DEK: variants seen among roughly 807,000 people sequenced by gnomAD.
DEK encodes protein DEK.
Under a neutral mutation model 46.8 loss-of-function variants are expected in DEK, and 28 were observed. The ratio of observed to expected loss-of-function variants is 0.60; its 90% CI spans 0.44 to 0.82. DEK has a LOEUF of 0.82. Among genes scored for constraint, DEK ranks in the 40% least tolerant of loss-of-function variants. The pLI, the probability that DEK is intolerant of heterozygous loss-of-function variation, is 0.00. For synonymous variants in DEK, 160 were observed against 144.5 expected (o/e 1.11, Z -0.77); for missense variants, 416 against 430.6 (o/e 0.97, Z 0.30).
chr6:18,260,727 G>A (rs187007757), intron 2 of DEK, among the ~76,000 whole-genome samples: 16 of 152,236 alleles, frequency 1.1e-4, no homozygotes, highest in African/African-American at 3.4e-4. Context: ...AGGGCCAGGC[G>A]TGGTGGCTCA....
At chr6:18,236,719 T>A in intron 8 of DEK, 119 bp from the exon 9 acceptor site, 2 of 648,152 alleles carry the variant, frequency 3.1e-6, no homozygotes, top group Non-Finnish European at 4.6e-6. Flanking sequence ...AAAAAAATTA[T>A]AAATCACTAC....
chr6:18,259,236 A>C (rs902057098), intron 2 of DEK, among the ~76,000 whole-genome samples: 2 of 151,416 alleles, frequency 1.3e-5, no homozygotes, highest in African/African-American at 4.9e-5. Flanking sequence ...CTACTAAAAA[A>C]TACAAAAAAT....
Position 18,238,761 on chromosome 6 carries a change from T to G in DEK, c.763-1245A>C, listed in dbSNP as rs182088263. ...GCCTGTGAAATTAGAAAGCATTAAT[T>G]CTTAGTTTAATTAATGTTCCCAAAG... On this transcript the variant is annotated intron_variant, in intron 7 of 10. Transcript: ENST00000652689. 7.8e-4 allele frequency among the ~76,000 whole-genome samples: 119 copies of G among 152,186 alleles called. 1 individual carries two copies. Among genetic ancestry groups the G allele is most frequent in the Non-Finnish European group, 7.4e-4 (50 of 68,006 alleles).
intron 7 of DEK, among the ~76,000 whole-genome samples, chr6:18,239,243 G>T (rs977446530): frequency 2.0e-5 from 3 of 150,902 alleles, no homozygotes; most frequent in African/African-American, 7.3e-5. Context: ...TGTTTTTAAA[G>T]ACATAAGCAC....
intron 2 of DEK, among the ~76,000 whole-genome samples, chr6:18,260,972 G>T (rs1282910107): frequency 7.0e-6 from 1 of 143,048 alleles, no homozygotes; most frequent in Admixed American, 7.1e-5. Flanking sequence ...GGTGACAAGT[G>T]AGACCTTGTC....
Position 18,225,664 on chromosome 6 carries a change from G to C in DEK, c.*55C>G, listed in dbSNP as rs981112274. 6.3e-7 allele frequency: 1 copy of C among 1,590,636 alleles called. No homozygotes were observed. Among genetic ancestry groups the C allele is most frequent in the Non-Finnish European group, 8.6e-7 (1 of 1,161,984 alleles). On this transcript the variant is annotated 3_prime_UTR_variant, in exon 11 of 11. Transcript: ENST00000652689. ...ATACATTCTCTTTGCTGGTATAATG[G>C]TATAAATCAGATCTTCAAATCTATG... is the stretch of plus-strand genomic sequence containing the variant.
rs915574489 is a variant in DEK, at chr6:18,225,222, G to A, written c.*497C>T. On this transcript the variant is annotated 3_prime_UTR_variant, in exon 11 of 11. Transcript: ENST00000652689. Reference sequence around the variant, plus strand: ...GAGAAAAGTTCCAATTCAGTGATCTGGACAACTGTAGCTTGTATATTTTTA... The same window carrying A: ...GAGAAAAGTTCCAATTCAGTGATCTAGACAACTGTAGCTTGTATATTTTTA... 2.6e-5 allele frequency: 6 copies of A among 228,400 alleles called. No homozygotes were observed. Among genetic ancestry groups the A allele is most frequent in the African/African-American group, 1.3e-4 (6 of 45,050 alleles). The allele number at this position is 228,400 out of a possible 1,614,324, so 14.1% of individuals were successfully genotyped here. A position where few individuals can be genotyped will look rare whatever the true frequency, so the allele number is the denominator to read the frequency against.
At chr6:18,264,089 G>A in intron 1 of DEK, 93 bp from the exon 2 acceptor site, 9 of 1,201,834 alleles carry the variant, frequency 7.5e-6, no homozygotes, top group Non-Finnish European at 1.0e-5. Context: ...CTTCCCGCGG[G>A]ACACCTGCCC....
At chr6:18,242,679 GCTTGTGCCCAAGTACC>G (rs552417493) in intron 7 of DEK, among the ~76,000 whole-genome samples, 1 of 152,226 alleles carries the variant, frequency 6.6e-6, no homozygotes, top group Non-Finnish European at 1.5e-5. Context: ...GTATCATTGT[GCTTGTGCCCAAGTACC>G]CTTATGTGAC....
At chr6:18,258,189 TA>T in intron 3 of DEK, 114 bp downstream of exon 3, 1 of 1,117,838 alleles carries the variant, frequency 8.9e-7, no homozygotes, top group Non-Finnish European at 1.3e-6. Context: ...GCAAATTAAA[TA>T]AAATTATACC....
At chr6:18,251,594 G>C (rs968910462) in intron 6 of DEK, among the ~76,000 whole-genome samples, 1 of 152,164 alleles carries the variant, frequency 6.6e-6, no homozygotes, top group Non-Finnish European at 1.5e-5. Context: ...ATAAGAAATC[G>C]TGAATGCATA....
intron 2 of DEK, 27 bp downstream of exon 2, chr6:18,263,816 C>G (rs748199360): frequency 1.2e-6 from 2 of 1,611,338 alleles, no homozygotes; most frequent in South Asian, 2.2e-5. Context: ...CTGAAAAATT[C>G]ATCAGTTGGG....
chr6:18,228,158 T>C lies in DEK; in HGVS notation c.1048-1916A>G, dbSNP rs190498488. Among the ~76,000 whole-genome samples the C allele has an allele frequency of 2.2e-4, 33 of 152,226 alleles. 1 individual carries two copies. The highest frequency in any genetic ancestry group is 7.7e-4 in the African/African-American group (32 of 41,548). On this transcript the variant is annotated intron_variant, in intron 9 of 10. Coordinates refer to ENST00000652689, the MANE Select transcript of DEK (RefSeq NM_003472.4). Reference sequence around the variant, plus strand: ...GTAAAGGGCTAGATGGTACAAATAGTTTCAATTTTGCCAGTCAGTTTCTAC... The same window carrying C: ...GTAAAGGGCTAGATGGTACAAATAGCTTCAATTTTGCCAGTCAGTTTCTAC...
chr6:18,244,613 C>G (rs1791031150), intron 7 of DEK: 1 of 1,259,694 alleles, frequency 7.9e-7, no homozygotes, highest in African/African-American at 1.5e-5. Context: ...ACTGGGTGAA[C>G]AGATGAACAA....
At position 18,249,609 on chromosome 6, in the gene DEK, C is replaced by T; in HGVS notation, c.762+42G>A. On this transcript the variant is annotated intron_variant, in intron 7 of 10. Transcript: ENST00000652689. ...TTATAGCAGAAATATTTAACTCTCC[C>T]CATGGAAAGAAATGATTTAAAAATA... 4 of 1,475,200 alleles carry T rather than the reference C, an allele frequency of 2.7e-6. 1 individual carries two copies. The South Asian group carries it at 6.0e-5, about 22-fold the overall frequency. 91.4% of individuals were successfully genotyped at this position (1,475,200 alleles called of 1,614,324 possible).
intron 7 of DEK, among the ~76,000 whole-genome samples, chr6:18,242,802 A>C (rs1280815999): frequency 1.3e-5 from 2 of 152,176 alleles, no homozygotes; most frequent in Non-Finnish European, 2.9e-5. Flanking sequence ...AAAGCTCTTT[A>C]CTCAAGGAAA....
chr6:18,241,258 T>C (rs748676729), intron 7 of DEK, among the ~76,000 whole-genome samples: 1 of 152,186 alleles, frequency 6.6e-6, no homozygotes, highest in Non-Finnish European at 1.5e-5. Context: ...AATTTTTGTC[T>C]GTCAAGGTAA....
intron 8 of DEK, among the ~76,000 whole-genome samples, chr6:18,236,818 C>T (rs534909780): frequency 2.7e-4 from 41 of 152,182 alleles, no homozygotes; most frequent in Non-Finnish European, 5.7e-4. Context: ...GTTAGGCATC[C>T]CTAATCCAAA....
At chr6:18,244,409 T>A (rs1256366241) in intron 7 of DEK, 10 of 523,178 alleles carry the variant, frequency 1.9e-5, no homozygotes, top group Non-Finnish European at 2.7e-5. Context: ...TGAAGGGGAT[T>A]CTCCCTGTCT....
Sources: allele counts gnomAD v4.1 joint callset (sites outside exome capture counted in the v4.1 genomes callset), GRCh38; gene constraint gnomAD v4.1.1; transcripts MANE v1.5; gene names NCBI Gene and HGNC (gene_info 2026-07-23, HGNC 2026-07-21).